The following SGPP2 variants were observed in gnomAD, a reference collection of about 807,000 sequenced individuals.
The protein encoded by SGPP2 is sphingosine 1-phosphate phosphohydrolase 2.
A neutral mutation model predicts 33.9 loss-of-function variants in SGPP2; 30 were observed. The observed-to-expected ratio is 0.89, with a 90% CI of 0.66 to 1.20. The LOEUF (loss-of-function observed/expected upper bound fraction) is 1.20. SGPP2 is among the 50% of genes most tolerant of loss of function. The pLI, the probability that SGPP2 is intolerant of heterozygous loss-of-function variation, is 0.00. For synonymous variants in SGPP2, 233 were observed against 225.0 expected (o/e 1.04, Z -0.32); for missense variants, 458 against 532.1 (o/e 0.86, Z 1.37).
intron 4 of SGPP2, among the ~76,000 whole-genome samples, chr2:222,541,474 C>G (rs908931860): frequency 6.6e-6 from 1 of 152,118 alleles, no homozygotes; most frequent in African/African-American, 2.4e-5. Context: ...GTACCTAGGT[C>G]TTTATCTGGA....
chr2:222,462,769 G>T lies in SGPP2; in HGVS notation c.220-11799G>T, dbSNP rs113478955. ...TTTGATTTTATTTTTATATAGTTTT[G>T]GAACTTCCATGATGTTCTCAAGTAA... is the stretch of plus-strand genomic sequence containing the variant. On this transcript the variant is annotated intron_variant, in intron 1 of 4. Transcript: ENST00000321276. 3.3e-3 allele frequency among the ~76,000 whole-genome samples: 501 copies of T among 151,994 alleles called. 4 individuals carry two copies. Among genetic ancestry groups the T allele is most frequent in the African/African-American group, 0.01 (421 of 41,456 alleles).
At chr2:222,519,034 A>G (rs926483594) in intron 2 of SGPP2, among the ~76,000 whole-genome samples, 4 of 152,264 alleles carry the variant, frequency 2.6e-5, no homozygotes, top group African/African-American at 9.6e-5. Context: ...ATAGTGGGCC[A>G]GCTGACTAAC....
intron 2 of SGPP2, among the ~76,000 whole-genome samples, chr2:222,483,196 A>G (rs925551440): frequency 2.6e-5 from 4 of 152,228 alleles, no homozygotes; most frequent in Non-Finnish European, 1.5e-5. Context: ...CTTGAAATGC[A>G]TATCAACTCC....
At chr2:222,433,437 G>T (rs1356339302) in intron 1 of SGPP2, among the ~76,000 whole-genome samples, 1 of 152,194 alleles carries the variant, frequency 6.6e-6, no homozygotes, top group Non-Finnish European at 1.5e-5. Flanking sequence ...CACTGTAGTT[G>T]CGAATGGTGG....
chr2:222,447,484 A>G (rs1001302318), intron 1 of SGPP2, among the ~76,000 whole-genome samples: 3 of 152,172 alleles, frequency 2.0e-5, no homozygotes, highest in African/African-American at 7.2e-5. Flanking sequence ...CTGGGCATTC[A>G]CGAGGTTTTG....
At chr2:222,434,618 T>C (rs1035931061) in intron 1 of SGPP2, among the ~76,000 whole-genome samples, 2 of 152,214 alleles carry the variant, frequency 1.3e-5, no homozygotes, top group African/African-American at 4.8e-5. Flanking sequence ...CTTTGTTTAT[T>C]TGGTAAATGC....
At chr2:222,436,463 T>C (rs927322242) in intron 1 of SGPP2, among the ~76,000 whole-genome samples, 1 of 152,186 alleles carries the variant, frequency 6.6e-6, no homozygotes, top group African/African-American at 2.4e-5. Context: ...CCCAGCCCTG[T>C]AAACTATTGT....
chr2:222,436,017 C>T (rs567696961), intron 1 of SGPP2, among the ~76,000 whole-genome samples: 1 of 152,190 alleles, frequency 6.6e-6, no homozygotes, highest in South Asian at 2.1e-4. Context: ...AATGGTAATA[C>T]TAAGAGATGC....
chr2:222,435,339 C>T (rs1697223755), intron 1 of SGPP2, among the ~76,000 whole-genome samples: 1 of 152,162 alleles, frequency 6.6e-6, no homozygotes, highest in Non-Finnish European at 1.5e-5. Flanking sequence ...TGTGCCCACT[C>T]AGATTAAGAG....
At chr2:222,452,623 G>T (rs758535360) in intron 1 of SGPP2, 30 of 1,354,058 alleles carry the variant, frequency 2.2e-5, no homozygotes, top group Non-Finnish European at 3.2e-5. Flanking sequence ...TTCCAGAACT[G>T]GGTGCACCAG....
intron 4 of SGPP2, among the ~76,000 whole-genome samples, chr2:222,547,018 A>C (rs1689212932): frequency 6.6e-6 from 1 of 152,130 alleles, no homozygotes; most frequent in Non-Finnish European, 1.5e-5. Context: ...GCATTTTAAC[A>C]AACTTCCCAG....
chr2:222,496,106 A>G (rs1171849311), intron 2 of SGPP2, among the ~76,000 whole-genome samples: 1 of 152,218 alleles, frequency 6.6e-6, no homozygotes, highest in Non-Finnish European at 1.5e-5. Flanking sequence ...TTCGAATGGC[A>G]TCTCTCCTTA....
chr2:222,469,130 G>C (rs750029197), intron 1 of SGPP2, among the ~76,000 whole-genome samples: 4 of 152,182 alleles, frequency 2.6e-5, no homozygotes, highest in Non-Finnish European at 4.4e-5. Flanking sequence ...TTTCTTGTTT[G>C]TCAGACACTT....
At position 222,464,592 on chromosome 2, in the gene SGPP2, C is replaced by G. The variant is rs116062754; in HGVS notation, c.220-9976C>G. Among the ~76,000 whole-genome samples the G allele has an allele frequency of 8.8e-3, 1,341 of 152,346 alleles. 25 individuals carry two copies. The highest frequency in any genetic ancestry group is 0.03 in the African/African-American group (1,253 of 41,578). Reference sequence around the variant, plus strand: ...CTACCACCCAGGTTCAAACAATTCTCTCACCTCAACCTCCCAAATAGCTGG... The same window carrying G: ...CTACCACCCAGGTTCAAACAATTCTGTCACCTCAACCTCCCAAATAGCTGG... On this transcript the variant is annotated intron_variant, in intron 1 of 4. Coordinates refer to ENST00000321276, the MANE Select transcript of SGPP2 (RefSeq NM_152386.4).
intron 4 of SGPP2, among the ~76,000 whole-genome samples, chr2:222,554,605 GAA>G (rs34334424): frequency 2.0e-5 from 3 of 152,258 alleles, no homozygotes; most frequent in Admixed American, 1.3e-4. Flanking sequence ...TATGATTAAT[GAA>G]AAAGAGTCCC....
intron 2 of SGPP2, among the ~76,000 whole-genome samples, chr2:222,484,496 C>T (rs1250893712): frequency 2.0e-5 from 3 of 152,136 alleles, no homozygotes; most frequent in South Asian, 2.1e-4. Flanking sequence ...AGATGAAATT[C>T]GGTTGGATCT....
At chr2:222,491,571 A>G (rs1298915466) in intron 2 of SGPP2, among the ~76,000 whole-genome samples, 1 of 151,750 alleles carries the variant, frequency 6.6e-6, no homozygotes, top group African/African-American at 2.4e-5. Context: ...ATGCGGGGAA[A>G]CCTCCCCCAT....
At chr2:222,538,594 T>C (rs1410255390) in intron 4 of SGPP2, among the ~76,000 whole-genome samples, 1 of 152,204 alleles carries the variant, frequency 6.6e-6, no homozygotes, top group East Asian at 1.9e-4. Context: ...CAATTGTATA[T>C]GAAGCTTCCT....
upstream of SGPP2, among the ~76,000 whole-genome samples, chr2:222,424,058 G>A (rs1230291197): frequency 6.6e-6 from 1 of 152,130 alleles, no homozygotes; most frequent in Non-Finnish European, 1.5e-5. Flanking sequence ...TGTATTTACT[G>A]GGAACTAGTC....
Sources: gnomAD v4.1 joint callset for allele counts (sites outside exome capture counted in the v4.1 genomes callset) on GRCh38, gnomAD v4.1.1 for gene constraint, MANE v1.5 for transcripts, NCBI Gene and HGNC (gene_info 2026-07-23, HGNC 2026-07-21) for gene names.